TBC1D32: variants seen among roughly 807,000 people sequenced by gnomAD.
TBC1D32 encodes the protein protein broad-minded.
A neutral mutation model predicts 170.3 loss-of-function variants in TBC1D32; 151 were observed. That is an observed-to-expected ratio of 0.89 (90% CI 0.78 to 1.01). The LOEUF is 1.01. Ranked by LOEUF, TBC1D32 falls within the 50% of genes least tolerant of loss-of-function variation. The pLI is 0.00. For synonymous variants in TBC1D32, 498 were observed against 488.0 expected (o/e 1.02, Z -0.27); for missense variants, 1,464 against 1,457.1 (o/e 1.00, Z -0.08).
chr6:121,221,714 G>A (rs1794546665), intron 21 of TBC1D32, among the ~76,000 whole-genome samples: 1 of 152,210 alleles, frequency 6.6e-6, no homozygotes, highest in South Asian at 2.1e-4. Flanking sequence ...CTGAAGATGT[G>A]ACTGAATTGC....
intron 25 of TBC1D32, among the ~76,000 whole-genome samples, chr6:121,130,706 T>C (rs1781353252): frequency 1.3e-5 from 2 of 152,188 alleles, no homozygotes; most frequent in African/African-American, 4.8e-5. Flanking sequence ...GTATTTAAAC[T>C]GAACATCATT....
intron 22 of TBC1D32, among the ~76,000 whole-genome samples, chr6:121,191,638 ATAT>A (rs1376663277): frequency 6.6e-6 from 1 of 150,792 alleles, no homozygotes; most frequent in African/African-American, 2.5e-5. Flanking sequence ...CTGCAGTTGG[ATAT>A]TAGTTGGAGC....
intron 28 of TBC1D32, 128 bp downstream of exon 28, chr6:121,112,934 A>G: frequency 1.4e-6 from 1 of 705,610 alleles, no homozygotes; most frequent in Non-Finnish European, 2.3e-6. Flanking sequence ...GTAAGAATAT[A>G]TCATAACAAA....
intron 23 of TBC1D32, 79 bp downstream of exon 23, chr6:121,160,869 T>C: frequency 1.9e-6 from 2 of 1,053,936 alleles, no homozygotes; most frequent in South Asian, 2.5e-5. Flanking sequence ...AGGTAAAGTT[T>C]AGGGTGACTT....
intron 5 of TBC1D32, 65 bp downstream of exon 5, chr6:121,307,911 T>A: frequency 6.6e-7 from 1 of 1,510,846 alleles, no homozygotes; most frequent in Non-Finnish European, 9.0e-7. Context: ...ACTATCATAT[T>A]CTATTTATTT....
At chr6:121,089,895 AAAGGTAGTAGGGAT>A (rs923694001) in intron 31 of TBC1D32, among the ~76,000 whole-genome samples, 3 of 152,106 alleles carry the variant, frequency 2.0e-5, no homozygotes, top group Non-Finnish European at 2.9e-5. Context: ...GTGGGATGGC[AAAGGTAGTAGGGAT>A]AAGGAAACAT....
At chr6:121,123,554 T>C (rs533819049) in intron 26 of TBC1D32, among the ~76,000 whole-genome samples, 3 of 152,232 alleles carry the variant, frequency 2.0e-5, no homozygotes, top group Non-Finnish European at 2.9e-5. Context: ...GTATAGTTAC[T>C]CCTATCCTTT....
At chr6:121,108,027 T>C (rs928214530) in intron 29 of TBC1D32, among the ~76,000 whole-genome samples, 1 of 152,230 alleles carries the variant, frequency 6.6e-6, no homozygotes, top group Middle Eastern at 3.4e-3. Context: ...AAGCCTTGCA[T>C]AGAATAGATG....
At chr6:121,141,894 A>C (rs1238075782) in intron 24 of TBC1D32, among the ~76,000 whole-genome samples, 5 of 152,206 alleles carry the variant, frequency 3.3e-5, no homozygotes, top group Non-Finnish European at 7.3e-5. Context: ...AGGCAGCCTA[A>C]TCCTCTTACC....
chr6:121,276,191 G>A (rs1802191820), intron 15 of TBC1D32, among the ~76,000 whole-genome samples: 1 of 151,192 alleles, frequency 6.6e-6, no homozygotes, highest in African/African-American at 2.4e-5. Context: ...AGTAATTATT[G>A]CAAAAAAGTA....
intron 20 of TBC1D32, among the ~76,000 whole-genome samples, chr6:121,238,309 A>C (rs1796558313): frequency 6.6e-6 from 1 of 152,032 alleles, no homozygotes; most frequent in African/African-American, 2.4e-5. Flanking sequence ...TCCATATATT[A>C]ACTTCCCTCT....
chr6:121,190,378 C>T (rs1298840989), intron 22 of TBC1D32, among the ~76,000 whole-genome samples: 6 of 148,510 alleles, frequency 4.0e-5, no homozygotes, highest in African/African-American at 1.5e-4. Flanking sequence ...TCCCACCTCT[C>T]CTCTGCACAC....
At chr6:121,197,384 T>C (rs979549035) in intron 22 of TBC1D32, among the ~76,000 whole-genome samples, 1 of 152,066 alleles carries the variant, frequency 6.6e-6, no homozygotes, top group African/African-American at 2.4e-5. Context: ...GAATACAGAA[T>C]GGGTAGTAGG....
At chr6:121,160,691 C>G (rs964297209) in intron 23 of TBC1D32, among the ~76,000 whole-genome samples, 3 of 152,044 alleles carry the variant, frequency 2.0e-5, no homozygotes, top group African/African-American at 4.8e-5. Context: ...AGAAAAATAA[C>G]TTTTTAATAA....
At chr6:121,293,617 A>G (rs1414535466) in intron 11 of TBC1D32, among the ~76,000 whole-genome samples, 2 of 152,204 alleles carry the variant, frequency 1.3e-5, no homozygotes, top group Non-Finnish European at 2.9e-5. Context: ...CTTGAAATTT[A>G]AAATACAGTT....
chr6:121,171,894 C>T (rs1424859475), intron 22 of TBC1D32, among the ~76,000 whole-genome samples: 3 of 151,912 alleles, frequency 2.0e-5, no homozygotes, highest in Non-Finnish European at 4.4e-5. Flanking sequence ...AATAGGCGAT[C>T]CAAGAAGAAA....
At chr6:121,223,441 A>C (rs2128329254) in intron 20 of TBC1D32, 89 bp from the exon 21 acceptor site, 1 of 834,820 alleles carries the variant, frequency 1.2e-6, no homozygotes, top group Middle Eastern at 2.2e-4. Context: ...TATCTGTATG[A>C]CTTTGAGGGC....
At chr6:121,089,318 C>T (rs1012624472) in intron 31 of TBC1D32, among the ~76,000 whole-genome samples, 10 of 152,056 alleles carry the variant, frequency 6.6e-5, no homozygotes, top group Admixed American at 3.3e-4. Context: ...AAAATAATTT[C>T]GGATGGTGAT....
At chr6:121,281,395 A>G (rs1802957764) in intron 14 of TBC1D32, 149 bp downstream of exon 14, 1 of 484,748 alleles carries the variant, frequency 2.1e-6, no homozygotes, top group Non-Finnish European at 3.5e-6. Context: ...ATAATTTAAT[A>G]ATAAATAAAA....
Sources: gnomAD v4.1 joint callset for allele counts (sites outside exome capture counted in the v4.1 genomes callset) on GRCh38, gnomAD v4.1.1 for gene constraint, MANE v1.5 for transcripts, NCBI Gene and HGNC (gene_info 2026-07-23, HGNC 2026-07-21) for gene names.